MGAT4A: variants seen among roughly 807,000 people sequenced by gnomAD.
MGAT4A encodes N-acetylglucosaminyltransferase IVa.
Under a neutral mutation model 74.1 loss-of-function variants are expected in MGAT4A, and 33 were observed. That is an observed-to-expected ratio of 0.45 (90% CI 0.34 to 0.60). MGAT4A has a LOEUF of 0.60. Among genes scored for constraint, MGAT4A ranks in the 20% least tolerant of loss-of-function variants. The pLI is 0.02. For missense variants in MGAT4A, 479 were observed against 628.3 expected, an observed-to-expected ratio of 0.76 and a Z score of 2.54; for synonymous variants, 198 against 210.4, an observed-to-expected ratio of 0.94 and a Z score of 0.51.
At chr2:98,643,195 A>G (rs1701437729) in intron 10 of MGAT4A, among the ~76,000 whole-genome samples, 1 of 152,156 alleles carries the variant, frequency 6.6e-6, no homozygotes. Context: ...AAAAAAAATC[A>G]TTGTTTTTTT....
rs185750914 is a variant in MGAT4A at position 98,621,950 on chromosome 2, G to C, written c.*3616C>G. The C allele has an allele frequency of 1.6e-5, 16 of 992,946 alleles. No homozygotes were observed. Among genetic ancestry groups the C allele is most frequent in the Non-Finnish European group, 1.7e-5 (14 of 834,786 alleles). The allele number at this position is 992,946 out of a possible 1,614,324, so 61.5% of individuals were successfully genotyped here. A position where few individuals can be genotyped will look rare whatever the true frequency, so the allele number is the denominator to read the frequency against. ...AATTGTTGAACAAATACACACATAC[G>C]TATCTACAGCCTATGTGCTAAATAA... is the stretch of plus-strand genomic sequence containing the variant. On this transcript the variant is annotated 3_prime_UTR_variant, in exon 16 of 16. Transcript: ENST00000393487.
Position 98,621,925 on chromosome 2 carries a change from A to AAG in MGAT4A, c.*3640_*3641insCT. The AAG allele has an allele frequency of 5.0e-6, 5 of 996,746 alleles. No homozygotes were observed. The highest frequency in any genetic ancestry group is 6.0e-6 in the Non-Finnish European group (5 of 837,090). 61.7% of individuals were successfully genotyped at this position (996,746 alleles called of 1,614,324 possible). On this transcript the variant is annotated 3_prime_UTR_variant, in exon 16 of 16. Transcript: ENST00000393487. The stretch of plus-strand genomic sequence containing the variant: ...TGTTCAAGGGTATTCAACCATCTCC[A>AAG]ATTGTTGAACAAATACACACATACG...
chr2:98,730,522 G>A (rs1352904232), intron 1 of MGAT4A, among the ~76,000 whole-genome samples: 2 of 152,174 alleles, frequency 1.3e-5, no homozygotes, highest in Non-Finnish European at 2.9e-5. Flanking sequence ...CCCTGCCCCT[G>A]CGCCTCGGAC....
intron 2 of MGAT4A, among the ~76,000 whole-genome samples, chr2:98,689,211 T>G (rs1332000728): frequency 6.6e-6 from 1 of 152,060 alleles, no homozygotes; most frequent in Non-Finnish European, 1.5e-5. Flanking sequence ...TCTGTAACCT[T>G]TGCTGAAAAC....
chr2:98,648,088 C>T (rs1701521066), intron 8 of MGAT4A, among the ~76,000 whole-genome samples: 1 of 151,216 alleles, frequency 6.6e-6, no homozygotes, highest in Non-Finnish European at 1.5e-5. Flanking sequence ...CACTAATACT[C>T]TGTAGATGAC....
intron 2 of MGAT4A, among the ~76,000 whole-genome samples, chr2:98,697,789 C>T (rs1702297639): frequency 1.3e-5 from 2 of 152,148 alleles, no homozygotes; most frequent in African/African-American, 4.8e-5. Flanking sequence ...TTCACCACAA[C>T]GTTTGTCAGA....
intron 13 of MGAT4A, among the ~76,000 whole-genome samples, chr2:98,635,923 G>C (rs1701311957): frequency 6.6e-6 from 1 of 151,354 alleles, no homozygotes; most frequent in African/African-American, 2.4e-5. Context: ...GGGAGGCAGA[G>C]GTTGCAGTGA....
intron 4 of MGAT4A, among the ~76,000 whole-genome samples, chr2:98,672,325 G>T (rs1336085123): frequency 1.3e-5 from 2 of 152,020 alleles, no homozygotes; most frequent in Non-Finnish European, 2.9e-5. Context: ...TTCTTTACTG[G>T]GCTGAAGCTC....
At chr2:98,651,805 T>C (rs1326749461) in intron 8 of MGAT4A, among the ~76,000 whole-genome samples, 2 of 152,150 alleles carry the variant, frequency 1.3e-5, no homozygotes, top group African/African-American at 4.8e-5. Flanking sequence ...TCTATTAATA[T>C]ACTATCTACA....
chr2:98,651,828 T>C (rs1005914218), intron 8 of MGAT4A, among the ~76,000 whole-genome samples: 5 of 152,192 alleles, frequency 3.3e-5, no homozygotes, highest in Non-Finnish European at 7.3e-5. Flanking sequence ...AAACTTACTT[T>C]ACATCAAAAG....
intron 2 of MGAT4A, among the ~76,000 whole-genome samples, chr2:98,700,303 ATATATATAATATATAC>A (rs1440423172): frequency 1.3e-5 from 2 of 148,466 alleles, no homozygotes; most frequent in African/African-American, 2.4e-5. Context: ...TTAGTTGACT[ATATATATAATATATAC>A]TATATATAAT....
chr2:98,630,724 G>T (rs1701218567), intron 14 of MGAT4A, among the ~76,000 whole-genome samples: 1 of 152,114 alleles, frequency 6.6e-6, no homozygotes, highest in African/African-American at 2.4e-5. Context: ...CCCAGATATT[G>T]TTATTTATGC....
intron 10 of MGAT4A, among the ~76,000 whole-genome samples, chr2:98,641,538 G>A (rs1701409720): frequency 6.6e-6 from 1 of 151,100 alleles, no homozygotes; most frequent in South Asian, 2.1e-4. Flanking sequence ...CGGGCGTGGT[G>A]GCGGGCGCCT....
intron 2 of MGAT4A, among the ~76,000 whole-genome samples, chr2:98,716,706 G>C (rs1006759033): frequency 6.6e-6 from 1 of 152,184 alleles, no homozygotes; most frequent in Non-Finnish European, 1.5e-5. Flanking sequence ...TGCTATCCAT[G>C]GGGGATAGGT....
chr2:98,630,565 T>C (rs1701216177), intron 14 of MGAT4A, among the ~76,000 whole-genome samples: 1 of 152,074 alleles, frequency 6.6e-6, no homozygotes, highest in African/African-American at 2.4e-5. Flanking sequence ...TGGATACAGG[T>C]ACTCAGCATA....
chr2:98,663,041 A>G lies in MGAT4A; in HGVS notation c.537+5T>C. ...GTAAAAACATAACAACAATTAAATA[A>G]TTACCTCTCCTATGAAGACTACTAT... On this transcript the variant is annotated splice_donor_5th_base_variant and intron_variant, in intron 5 of 15. Transcript: ENST00000393487. 1 of 1,479,956 alleles carries G rather than the reference A, an allele frequency of 6.8e-7. No individual in the cohort carries two copies. The highest frequency in any genetic ancestry group is 1.5e-5 in the South Asian group (1 of 68,744). 91.7% of individuals were successfully genotyped at this position (1,479,956 alleles called of 1,614,324 possible).
chr2:98,632,415 C>T (rs933418407), intron 14 of MGAT4A, among the ~76,000 whole-genome samples: 11 of 152,336 alleles, frequency 7.2e-5, no homozygotes, highest in South Asian at 4.1e-4. Flanking sequence ...CTTGTTTGCA[C>T]GCCAAGAGGG....
chr2:98,647,472 C>G (rs563781187), intron 8 of MGAT4A, among the ~76,000 whole-genome samples: 6 of 152,212 alleles, frequency 3.9e-5, no homozygotes, highest in East Asian at 1.9e-4. Flanking sequence ...CACGCCACCA[C>G]GCCTAGCTAA....
intron 2 of MGAT4A, among the ~76,000 whole-genome samples, chr2:98,689,716 G>A (rs546261662): frequency 6.6e-4 from 101 of 152,234 alleles, no homozygotes; most frequent in African/African-American, 2.4e-3. Flanking sequence ...CCAGCTACTC[G>A]GGAGGCTGAG....
Sources: allele counts gnomAD v4.1 joint callset (sites outside exome capture counted in the v4.1 genomes callset), GRCh38; gene constraint gnomAD v4.1.1; transcripts MANE v1.5; gene names NCBI Gene and HGNC (gene_info 2026-07-23, HGNC 2026-07-21).